FANCD2: variants seen among roughly 807,000 people sequenced by gnomAD.
FANCD2 encodes Fanconi anemia group D2 protein.
A neutral mutation model predicts 192.3 loss-of-function variants in FANCD2; 131 were observed. The observed-to-expected ratio is 0.68, with a 90% CI of 0.59 to 0.79. The LOEUF (loss-of-function observed/expected upper bound fraction) is 0.79, where lower values mean the gene tolerates loss of function less well. Among genes scored for constraint, FANCD2 ranks in the 30% least tolerant of loss-of-function variants. FANCD2 has a pLI of 0.00. For synonymous variants in FANCD2, 524 were observed against 612.5 expected (o/e 0.86, Z 2.13); for missense variants, 1,508 against 1,701.6 (o/e 0.89, Z 2.00).
chr3:10,060,846 C>A (rs1463048798), intron 19 of FANCD2, among the ~76,000 whole-genome samples: 1 of 152,134 alleles, frequency 6.6e-6, no homozygotes, highest in African/African-American at 2.4e-5. Flanking sequence ...TTTGTAGAAT[C>A]TAAAGAAATA....
intron 30 of FANCD2, among the ~76,000 whole-genome samples, chr3:10,079,334 T>C (rs1693699150): frequency 6.6e-6 from 1 of 152,146 alleles, no homozygotes; most frequent in African/African-American, 2.4e-5. Context: ...AGACGGAGTC[T>C]CGCTGTGTCT....
intron 1 of FANCD2, among the ~76,000 whole-genome samples, chr3:10,027,925 T>A (rs1327136416): frequency 2.4e-4 from 26 of 110,110 alleles, no homozygotes; most frequent in African/African-American, 3.4e-4. Flanking sequence ...AAAAAAAAAA[T>A]CACTTCTTTA....
intron 31 of FANCD2, 24 bp from the exon 32 acceptor site, chr3:10,081,322 T>C (rs970382031): frequency 9.3e-6 from 15 of 1,611,344 alleles, no homozygotes; most frequent in African/African-American, 1.3e-5. Context: ...GAAGCAACTG[T>C]CCTAAAATCA....
At chr3:10,094,877 G>A in intron 40 of FANCD2, 1 of 398,144 alleles carries the variant, frequency 2.5e-6, no homozygotes, top group Non-Finnish European at 4.7e-6. Context: ...ATATTTGGTT[G>A]GTCCCTCACA....
chr3:10,092,364 C>G, intron 38 of FANCD2, 112 bp downstream of exon 38: 1 of 845,968 alleles, frequency 1.2e-6, no homozygotes. Flanking sequence ...TTGGGGCCTG[C>G]TCTCCCTGAG....
chr3:10,098,707 C>A lies in FANCD2; in HGVS notation c.4186-13C>A. 1 of 1,613,946 alleles carries A rather than the reference C, an allele frequency of 6.2e-7. No homozygotes were observed. The highest frequency in any genetic ancestry group is 8.5e-7 in the Non-Finnish European group (1 of 1,179,936). On this transcript the variant is annotated splice_polypyrimidine_tract_variant and intron_variant, in intron 42 of 43. Coordinates refer to ENST00000675286, the MANE Select transcript of FANCD2 (RefSeq NM_001018115.3). ...ATTATAACCCACCATTTTCTTGGTC[C>A]ATTCACATTTAGGGTGAAGAGATTA... is the stretch of plus-strand genomic sequence containing the variant.
intron 32 of FANCD2, among the ~76,000 whole-genome samples, chr3:10,084,895 T>C (rs1575834037): frequency 6.6e-6 from 1 of 152,178 alleles, no homozygotes; most frequent in East Asian, 1.9e-4. Context: ...AAAACACTTC[T>C]GGCAGCAGAG....
At chr3:10,081,079 A>G (rs1693807978) in intron 30 of FANCD2, 21 bp from the exon 31 acceptor site, 1 of 1,613,970 alleles carries the variant, frequency 6.2e-7, no homozygotes, top group Non-Finnish European at 8.5e-7. Context: ...TTCTTCACTC[A>G]TAACTCTGCA....
At chr3:10,073,115 A>G in intron 27 of FANCD2, 134 bp downstream of exon 27, 2 of 857,872 alleles carry the variant, frequency 2.3e-6, no homozygotes, top group Non-Finnish European at 3.9e-6. Context: ...AGATTTATAA[A>G]TATACTGTAA....
chr3:10,084,955 A>G (rs1167123360), intron 32 of FANCD2, among the ~76,000 whole-genome samples: 1 of 152,196 alleles, frequency 6.6e-6, no homozygotes, highest in Admixed American at 6.5e-5. Context: ...AAAAGGTGTC[A>G]CTATGATCTA....
intron 6 of FANCD2, among the ~76,000 whole-genome samples, chr3:10,035,525 T>G: frequency 6.6e-6 from 1 of 152,242 alleles, no homozygotes; most frequent in East Asian, 1.9e-4. Flanking sequence ...CTTTATCATA[T>G]TCATATCTAC....
chr3:10,040,289 G>A, intron 9 of FANCD2: 1 of 337,590 alleles, frequency 3.0e-6, no homozygotes, highest in Non-Finnish European at 5.8e-6. Context: ...GCCCTCCTCG[G>A]CCTCCCAGAG....
At chr3:10,054,426 CAT>C (rs2087327970) in intron 18 of FANCD2, among the ~76,000 whole-genome samples, 4 of 51,976 alleles carry the variant, frequency 7.7e-5, no homozygotes, top group African/African-American at 5.9e-4. Flanking sequence ...TACATATATA[CAT>C]GTATATACAT....
Position 10,078,184 on chromosome 3 carries a change from TC to T in FANCD2, c.2967del (p.Leu991SerfsTer30). The T allele has an allele frequency of 6.2e-7, 1 of 1,605,052 alleles. No homozygotes were observed. Among genetic ancestry groups the T allele is most frequent in the Non-Finnish European group, 8.5e-7 (1 of 1,172,110 alleles). ...CTGACACCTCCTATTGCCAGGAGAG[TC>T]CCCTTTCTCAAGGTTAGTGTAGGCA... ...SMLTPPIARR[V>X]PFLKNKGSRN... On this transcript the variant is annotated frameshift_variant, in exon 30 of 44. Coordinates refer to ENST00000675286, the MANE Select transcript of FANCD2 (RefSeq NM_001018115.3). LOFTEE classifies it high-confidence loss of function.
At chr3:10,033,773 T>C (rs1412123584) in intron 3 of FANCD2, among the ~76,000 whole-genome samples, 1 of 66,596 alleles carries the variant, frequency 1.5e-5, no homozygotes, top group Non-Finnish European at 2.8e-5. Context: ...CGATCTCTGC[T>C]CACTGCAAGC....
intron 3 of FANCD2, among the ~76,000 whole-genome samples, chr3:10,033,698 CTTTTTTTTTTTT>C (rs34115008): frequency 1.1e-5 from 1 of 89,378 alleles, no homozygotes. Context: ...AAAGCTAAGT[CTTTTTTTTTTTT>C]TTTTTTTTGA....
Position 10,051,399 on chromosome 3 carries a change from AAAAAAAAACAAAAAGGAGT to A in FANCD2, c.1546-987_1546-969del, listed in dbSNP as rs1363962371. Among the ~76,000 whole-genome samples the A allele has an allele frequency of 8.8e-4, 9 of 10,272 alleles. 1 individual carries two copies. The African/African-American group carries it at 0.011, about 12-fold the overall frequency. 6.7% of individuals were successfully genotyped at this position (10,272 alleles called of 152,430 possible). On this transcript the variant is annotated intron_variant, in intron 17 of 43. Coordinates refer to ENST00000675286, the MANE Select transcript of FANCD2 (RefSeq NM_001018115.3). ...CCGTCTCAAAAAAAAAAAAAAAAAA[AAAAAAAAACAAAAAGGAGT>A]GAGGGATTTATCTCCCAGTGTTGGA...
In FANCD2 at chr3:10,063,873, A is replaced by T; in HGVS notation, c.1909A>T (p.Asn637Tyr). The T allele has an allele frequency of 6.2e-7, 1 of 1,614,262 alleles. No individual in the cohort carries two copies. The highest frequency in any genetic ancestry group is 2.2e-5 in the East Asian group (1 of 44,886). The change falls in exon 21 of 44, where the codon AAC becomes TAC. Residue 637 changes from asparagine (N) to tyrosine (Y), a missense_variant. Physicochemically the swap from Asn to Tyr is moderately radical, Grantham distance 143 (BLOSUM62 -2). Around this residue, in one of 5 missense-constraint regions of FANCD2, gnomAD observed 59 missense variants for 111.9 expected, o/e 0.53. Coordinates refer to ENST00000675286, the MANE Select transcript of FANCD2 (RefSeq NM_001018115.3). ...TGCACTTTACTATGATGAATTTGCC[A>T]ACCTGATCCAACATGAAAAGCTGGA... ...ASALYYDEFANLIQHEKLDPK... is the reference protein window; with the variant it reads ...ASALYYDEFAYLIQHEKLDPK...
At chr3:10,058,176 C>T (rs527252535) in intron 18 of FANCD2, 7 of 322,272 alleles carry the variant, frequency 2.2e-5, no homozygotes, top group Admixed American at 1.4e-4. Context: ...GTCTTCCGCA[C>T]GAAGAGACCG....
Sources: allele counts gnomAD v4.1 joint callset (sites outside exome capture counted in the v4.1 genomes callset), GRCh38; gene constraint gnomAD v4.1.1; regional missense constraint gnomAD v4.1.1; transcripts MANE v1.5; gene names NCBI Gene and HGNC (gene_info 2026-07-23, HGNC 2026-07-21).